Variants in TVP23A observed in about 807,000 individuals in gnomAD.
TVP23A encodes the protein Golgi apparatus membrane protein TVP23 homolog A.
TVP23A carries 21 observed loss-of-function variants against 31.7 expected under a neutral mutation model. The observed-to-expected ratio is 0.66, with a 90% CI of 0.47 to 0.95. The LOEUF (loss-of-function observed/expected upper bound fraction) is 0.95, where lower values mean the gene tolerates loss of function less well. Among genes scored for constraint, TVP23A ranks in the 40% least tolerant of loss-of-function variants. TVP23A has a pLI of 0.00. For synonymous variants in TVP23A, 104 were observed against 96.0 expected (o/e 1.08, Z -0.49); for missense variants, 279 against 255.6 (o/e 1.09, Z -0.62).
chr16:10,802,900 T>A (rs2033769033), intron 2 of TVP23A, among the ~76,000 whole-genome samples: 1 of 152,196 alleles, frequency 6.6e-6, no homozygotes. Context: ...TCATTTAAAT[T>A]GCGCAAGGAT....
intron 2 of TVP23A, among the ~76,000 whole-genome samples, chr16:10,790,947 T>G (rs969676160): frequency 6.6e-6 from 1 of 152,178 alleles, no homozygotes; most frequent in Non-Finnish European, 1.5e-5. Flanking sequence ...GAACGAGGCA[T>G]GTCTGACCCC....
downstream of TVP23A, chr16:10,757,921 A>G (rs1201764762): frequency 6.2e-7 from 1 of 1,613,832 alleles, no homozygotes; most frequent in South Asian, 1.1e-5. This position sits in a 1 kb window ranked among gnomAD's most constrained non-coding sequence, Gnocchi z 4.1. Context: ...GAGGTCGACT[A>G]CCTCATTGTG....
At chr16:10,809,562 A>G (rs772909403) in intron 2 of TVP23A, among the ~76,000 whole-genome samples, 40 of 152,356 alleles carry the variant, frequency 2.6e-4, no homozygotes, top group Middle Eastern at 6.8e-3. Flanking sequence ...GTAGAGCAAA[A>G]GGAGCTATGT....
chr16:10,769,031 T>A lies in TVP23A; in HGVS notation c.*71A>T. 2 of 1,613,654 alleles carry A rather than the reference T, an allele frequency of 1.2e-6. No homozygotes were observed. Among genetic ancestry groups the A allele is most frequent in the Non-Finnish European group, 1.7e-6 (2 of 1,179,562 alleles). ...ACAAGCCATTAGCACTCTATGCCTG[T>A]CGTCTTGTTTTCCAGGAATCCAAGA... On this transcript the variant is annotated 3_prime_UTR_variant, in exon 8 of 8. Coordinates refer to ENST00000299866, the MANE Select transcript of TVP23A (RefSeq NM_001079512.4).
intron 2 of TVP23A, among the ~76,000 whole-genome samples, chr16:10,785,395 C>G (rs1369256330): frequency 6.6e-6 from 1 of 151,302 alleles, no homozygotes; most frequent in Non-Finnish European, 1.5e-5. Flanking sequence ...CAGAGCAAGA[C>G]TCCATCTCAA....
chr16:10,796,047 T>A (rs28832639), intron 2 of TVP23A, among the ~76,000 whole-genome samples: 1 of 151,694 alleles, frequency 6.6e-6, no homozygotes, highest in Admixed American at 6.6e-5. Flanking sequence ...GCAAAAAAAA[T>A]AAAAAAATTT....
chr16:10,778,906 C>T (rs1284303279), intron 2 of TVP23A, among the ~76,000 whole-genome samples: 1 of 152,178 alleles, frequency 6.6e-6, no homozygotes, highest in East Asian at 1.9e-4. Context: ...GCAGAGGTTG[C>T]AGTGAGCTGA....
intron 2 of TVP23A, among the ~76,000 whole-genome samples, chr16:10,799,138 T>C (rs2033565783): frequency 6.6e-6 from 1 of 152,232 alleles, no homozygotes; most frequent in Admixed American, 6.5e-5. Flanking sequence ...TCAAGCCTTC[T>C]GATGACTGCA....
At chr16:10,782,183 C>T (rs1208823520) in intron 2 of TVP23A, among the ~76,000 whole-genome samples, 1 of 152,078 alleles carries the variant, frequency 6.6e-6, no homozygotes, top group Non-Finnish European at 1.5e-5. Flanking sequence ...CCTTCCCACA[C>T]TCAGCTGTCA....
intron 2 of TVP23A, among the ~76,000 whole-genome samples, chr16:10,783,556 G>C (rs971733021): frequency 6.6e-6 from 1 of 152,058 alleles, no homozygotes; most frequent in East Asian, 1.9e-4. Flanking sequence ...CGTACCTGTA[G>C]TCCCAGCTGC....
rs1313963746 is a variant in TVP23A at position 10,802,262 on chromosome 16, GTGTGTGTGTGTGTGTGTGTGTGTA to G, written c.89+15817_89+15840del. 5.8e-5 allele frequency among the ~76,000 whole-genome samples: 8 copies of G among 137,876 alleles called. 1 individual carries two copies. The highest frequency in any genetic ancestry group is 2.6e-4 in the African/African-American group (8 of 30,200). 90.5% of individuals were successfully genotyped at this position (137,876 alleles called of 152,430 possible). A position where few individuals can be genotyped will look rare whatever the true frequency, so the allele number is the denominator to read the frequency against. On this transcript the variant is annotated intron_variant, in intron 2 of 7. Transcript: ENST00000299866. Reference sequence around the variant, plus strand: ...GATACGTGTGTGTGTGTGTGTGTGTGTGTGTGTGTGTGTGTGTGTGTGTATATGTGTGTGTGTGTCAGAGTCTCA... The same window carrying G: ...GATACGTGTGTGTGTGTGTGTGTGTGTATGTGTGTGTGTGTCAGAGTCTCA...
In TVP23A at chr16:10,818,529, G is replaced by T; in HGVS notation, c.-36C>A. ...GGAGCCCACCTGGCGCCCAGGCCCG[G>T]GGCTCCAGCTCCGCCCGTCGCCGCT... On this transcript the variant is annotated 5_prime_UTR_variant, in exon 1 of 8. Coordinates refer to ENST00000299866, the MANE Select transcript of TVP23A (RefSeq NM_001079512.4). This position sits in a 1 kb window ranked among gnomAD's most constrained non-coding sequence, Gnocchi z 4.7. The T allele has an allele frequency of 6.3e-7, 1 of 1,597,944 alleles. No homozygotes were observed. Among genetic ancestry groups the T allele is most frequent in the Non-Finnish European group, 8.5e-7 (1 of 1,177,162 alleles).
intron 2 of TVP23A, among the ~76,000 whole-genome samples, chr16:10,806,912 C>T (rs1008078803): frequency 6.6e-6 from 1 of 152,284 alleles, no homozygotes; most frequent in East Asian, 1.9e-4. Context: ...TTTCAAAATA[C>T]GTAATTCCGT....
At chr16:10,802,085 A>G (rs1375989791) in intron 2 of TVP23A, among the ~76,000 whole-genome samples, 1 of 146,676 alleles carries the variant, frequency 6.8e-6, no homozygotes, top group African/African-American at 2.7e-5. Context: ...CTAACAGTTT[A>G]GAGAACAAAT....
downstream of TVP23A, chr16:10,761,892 T>C: frequency 6.5e-7 from 1 of 1,539,930 alleles, no homozygotes; most frequent in Non-Finnish European, 9.0e-7. Context: ...GGCACCTCAC[T>C]CCTCGGTCAG....
chr16:10,775,118 G>A (rs535640795), intron 2 of TVP23A, 22 bp from the exon 3 acceptor site: 19 of 1,596,678 alleles, frequency 1.2e-5, no homozygotes, highest in African/African-American at 2.7e-5. Context: ...CCCAGAAGGC[G>A]CCCTCACTCC....
At chr16:10,780,535 G>A (rs531265138) in intron 2 of TVP23A, among the ~76,000 whole-genome samples, 2 of 152,160 alleles carry the variant, frequency 1.3e-5, no homozygotes, top group East Asian at 3.9e-4. Flanking sequence ...TGTTATGGAG[G>A]CCTATGTTAG....
At chr16:10,778,282 C>T (rs553495126) in intron 2 of TVP23A, among the ~76,000 whole-genome samples, 10 of 151,988 alleles carry the variant, frequency 6.6e-5, no homozygotes, top group African/African-American at 1.9e-4. Context: ...TGCAGTGAGT[C>T]GAGATGATGC....
chr16:10,805,375 G>C (rs1248371004), intron 2 of TVP23A, among the ~76,000 whole-genome samples: 2 of 151,974 alleles, frequency 1.3e-5, no homozygotes, highest in African/African-American at 4.8e-5. Context: ...TCAAATTAAT[G>C]TAAAATATCT....
Sources: allele counts gnomAD v4.1 joint callset (sites outside exome capture counted in the v4.1 genomes callset), GRCh38; gene constraint gnomAD v4.1.1; non-coding constraint Gnocchi (gnomAD v3.1); transcripts MANE v1.5; gene names NCBI Gene and HGNC (gene_info 2026-07-23, HGNC 2026-07-21).